PRUNE2: variants seen among roughly 807,000 people sequenced by gnomAD.
The protein encoded by PRUNE2 is protein prune homolog 2.
A neutral mutation model predicts 252.0 loss-of-function variants in PRUNE2; 164 were observed. That is an observed-to-expected ratio of 0.65 (90% CI 0.57 to 0.74). The LOEUF (loss-of-function observed/expected upper bound fraction) is 0.74. PRUNE2 is among the 30% of genes least tolerant of loss of function. The pLI is 0.00. For synonymous variants in PRUNE2, 1,292 were observed against 1,350.2 expected (o/e 0.96, Z 0.94); for missense variants, 3,495 against 3,711.0 (o/e 0.94, Z 1.51).
chr9:76,672,138 G>C (rs2041618722), intron 9 of PRUNE2, among the ~76,000 whole-genome samples: 1 of 151,672 alleles, frequency 6.6e-6, no homozygotes, highest in Non-Finnish European at 1.5e-5. Context: ...ACCCATCAGT[G>C]TGCTGTATTC....
rs150417443 is a variant in PRUNE2, at chr9:76,837,412, G to A, written c.508+9103C>T. Among the ~76,000 whole-genome samples the A allele has an allele frequency of 2.4e-3, 367 of 149,826 alleles. 10 individuals carry two copies. In the East Asian group the frequency reaches 0.044, roughly 18 times the overall value. ...AGCCAAGATTGTGCCATTGCACTCCGGCCTGGCGACACAGTGAGACTCTGT... is the reference window on the plus strand; with the variant it reads ...AGCCAAGATTGTGCCATTGCACTCCAGCCTGGCGACACAGTGAGACTCTGT... On this transcript the variant is annotated intron_variant, in intron 4 of 18. Transcript: ENST00000376718.
chr9:76,869,864 G>A (rs1232485430), intron 1 of PRUNE2, among the ~76,000 whole-genome samples: 1 of 152,176 alleles, frequency 6.6e-6, no homozygotes, highest in Non-Finnish European at 1.5e-5. Flanking sequence ...CTTCTATGAG[G>A]AGAACTGACT....
chr9:76,629,462 T>G (rs77723253), intron 15 of PRUNE2, among the ~76,000 whole-genome samples, 172 bp from the exon 16 acceptor site: 4,458 of 152,268 alleles, frequency 0.029, 150 homozygotes, highest in East Asian at 0.16. Flanking sequence ...TTTGTTGTTG[T>G]TGGTGGTGAT....
chr9:76,710,908 C>T lies in PRUNE2; in HGVS notation c.1366G>A (p.Ala456Thr). ...GGGAGAAGGGTGTGGTGAGGCCCAG[C>T]ACCTTCTCCCACGGGGCTGTCGTCA... is the stretch of plus-strand genomic sequence containing the variant. Reference protein sequence around the residue: ...LSDDSPVGEGAGPHHTLLPGL... With the variant: ...LSDDSPVGEGTGPHHTLLPGL... Residue 456 changes from alanine to threonine, a missense_variant, in exon 8 of 19, where the codon GCT becomes ACT. Physicochemically the swap from Ala to Thr is moderately conservative, Grantham distance 58 (BLOSUM62 0). Transcript: ENST00000376718. 2 of 1,558,232 alleles carry T rather than the reference C, an allele frequency of 1.3e-6. No individual in the cohort carries two copies. Among genetic ancestry groups the T allele is most frequent in the African/African-American group, 1.4e-5 (1 of 73,588 alleles).
At chr9:76,685,703 G>A (rs897001345) in intron 9 of PRUNE2, among the ~76,000 whole-genome samples, 1 of 152,146 alleles carries the variant, frequency 6.6e-6, no homozygotes. Flanking sequence ...GCAATACCTT[G>A]ATCTCAGATT....
chr9:76,662,920 A>G (rs2039386100), intron 9 of PRUNE2, among the ~76,000 whole-genome samples: 2 of 152,092 alleles, frequency 1.3e-5, no homozygotes, highest in African/African-American at 4.8e-5. Flanking sequence ...GTCTCTAGAA[A>G]CAGAGATAAA....
At chr9:76,789,557 C>T (rs535249833) in intron 6 of PRUNE2, among the ~76,000 whole-genome samples, 9 of 152,228 alleles carry the variant, frequency 5.9e-5, no homozygotes, top group South Asian at 2.1e-4. Context: ...AAAACAGAGA[C>T]GACTACTGGC....
At chr9:76,647,703 G>A (rs1845530525) in intron 11 of PRUNE2, among the ~76,000 whole-genome samples, 3 of 152,162 alleles carry the variant, frequency 2.0e-5, no homozygotes, top group South Asian at 2.1e-4. Context: ...AGTGGCTCAC[G>A]CCTGTAATCC....
chr9:76,779,299 T>C (rs937759713), intron 6 of PRUNE2, among the ~76,000 whole-genome samples: 1 of 151,730 alleles, frequency 6.6e-6, no homozygotes, highest in Middle Eastern at 3.4e-3. Flanking sequence ...AAAATAGCAG[T>C]GAGTTCCACA....
intron 9 of PRUNE2, among the ~76,000 whole-genome samples, chr9:76,678,759 C>T (rs889428160): frequency 5.3e-5 from 8 of 151,554 alleles, no homozygotes. Context: ...ACCTCGGAGG[C>T]GGAGCTTGCG....
intron 6 of PRUNE2, among the ~76,000 whole-genome samples, chr9:76,773,788 C>T (rs2053394647): frequency 6.6e-6 from 1 of 152,028 alleles, no homozygotes; most frequent in Non-Finnish European, 1.5e-5. Context: ...TGTTTTTTTC[C>T]CTGTTCTATG....
intron 6 of PRUNE2, among the ~76,000 whole-genome samples, chr9:76,754,978 A>C (rs76329903): frequency 0.13 from 18,593 of 147,712 alleles, 2,005 homozygotes; most frequent in East Asian, 0.39. Context: ...AAAAAAAAAA[A>C]AAAAAAAAAA....
intron 1 of PRUNE2, chr9:76,863,259 C>T (rs1415845646): frequency 6.6e-6 from 1 of 152,102 alleles, no homozygotes; most frequent in East Asian, 1.9e-4. Context: ...TAGAAATTTA[C>T]CTTCCCATCC....
Position 76,850,651 on chromosome 9 carries a change from C to T in PRUNE2, c.156G>A (p.Gly52=), listed in dbSNP as rs140651639. Residue 52 remains glycine, a synonymous_variant, in exon 3 of 19, where the codon GGG becomes GGA. Coordinates refer to ENST00000376718, the MANE Select transcript of PRUNE2 (RefSeq NM_015225.3). ...TGTTCAGCACTGGTAAACACAGAAC[C>T]CCTGGTGGACTGACCTACCAAGAAA... is the stretch of plus-strand genomic sequence containing the variant. ...AYFLDKVSPP[G]VLCLPVLNIP... is the part of the protein sequence containing the mutation. The T allele has an allele frequency of 4.2e-5, 68 of 1,612,874 alleles. No individual in the cohort carries two copies. The highest frequency in any genetic ancestry group is 5.2e-5 in the Non-Finnish European group (61 of 1,179,332).
In PRUNE2 at chr9:76,826,474, AAAAC is replaced by A. The variant is rs1191696360; in HGVS notation, c.661+102_661+105del. ...GGGGATAGAGTGAGACTCTGTATAA[AAAAC>A]AAACAAAGAAACAAATATACCTTCT... is the stretch of plus-strand genomic sequence containing the variant. On this transcript the variant is annotated intron_variant, in intron 5 of 18. Transcript: ENST00000376718. 27 of 893,890 alleles carry A rather than the reference AAAAC, an allele frequency of 3.0e-5. No individual in the cohort carries two copies. The Admixed American group carries it at 4.2e-4, about 14-fold the overall frequency. 55.4% of individuals were successfully genotyped at this position (893,890 alleles called of 1,614,324 possible).
At chr9:76,875,167 T>C (rs776217079) in intron 1 of PRUNE2, among the ~76,000 whole-genome samples, 1 of 152,124 alleles carries the variant, frequency 6.6e-6, no homozygotes, top group Non-Finnish European at 1.5e-5. Flanking sequence ...TTCCCCATTG[T>C]CTGCCCAGAG....
chr9:76,739,646 C>T (rs2049400121), intron 6 of PRUNE2: 2 of 151,818 alleles, frequency 1.3e-5, no homozygotes, highest in South Asian at 2.1e-4. Flanking sequence ...AATATATATG[C>T]ATCAAAATAT....
chr9:76,647,392 A>G, intron 11 of PRUNE2, among the ~76,000 whole-genome samples: 1 of 152,206 alleles, frequency 6.6e-6, no homozygotes, highest in Admixed American at 6.5e-5. Context: ...TTGAAAATGG[A>G]TCATAGACCT....
chr9:76,673,856 C>G (rs1466846660), intron 9 of PRUNE2, among the ~76,000 whole-genome samples: 1 of 152,032 alleles, frequency 6.6e-6, no homozygotes, highest in Non-Finnish European at 1.5e-5. Context: ...ATTCAACAAT[C>G]CTTCATGCTA....
Sources: gnomAD v4.1 joint callset for allele counts (sites outside exome capture counted in the v4.1 genomes callset) on GRCh38, gnomAD v4.1.1 for gene constraint, MANE v1.5 for transcripts, NCBI Gene and HGNC (gene_info 2026-07-23, HGNC 2026-07-21) for gene names.